The following MGST2 variants were observed in gnomAD, a reference collection of about 807,000 sequenced individuals.
MGST2 encodes glutathione peroxidase MGST2.
MGST2 carries 9 observed loss-of-function variants against 16.6 expected under a neutral mutation model. That is an observed-to-expected ratio of 0.54 (90% CI 0.33 to 0.95). The LOEUF (loss-of-function observed/expected upper bound fraction) is 0.95. Among genes scored for constraint, MGST2 ranks in the 40% least tolerant of loss-of-function variants. The pLI is 0.03. For missense variants in MGST2, 159 were observed against 175.1 expected, an observed-to-expected ratio of 0.91 and a Z score of 0.52; for synonymous variants, 79 against 68.0, an observed-to-expected ratio of 1.16 and a Z score of -0.79.
chr4:139,712,600 T>C (rs904928430), intron 5 of MGST2, among the ~76,000 whole-genome samples: 1 of 152,214 alleles, frequency 6.6e-6, no homozygotes, highest in African/African-American at 2.4e-5. Context: ...AGCCGAGCCC[T>C]GCCATGGGTT....
the MGST2 span, among the ~76,000 whole-genome samples, chr4:139,753,867 A>C: frequency 2.6e-5 from 4 of 152,172 alleles, no homozygotes; most frequent in Non-Finnish European, 5.9e-5. Flanking sequence ...CTCCTACATC[A>C]GAAGGGAGAC....
intron 2 of MGST2, among the ~76,000 whole-genome samples, chr4:139,686,156 T>G (rs1241042461): frequency 6.6e-6 from 1 of 152,054 alleles, no homozygotes; most frequent in Non-Finnish European, 1.5e-5. Context: ...CAATGTGAAG[T>G]GTGGTGGGGT....
At chr4:139,739,727 A>G (rs930315952) in intron 5 of MGST2, among the ~76,000 whole-genome samples, 2 of 149,986 alleles carry the variant, frequency 1.3e-5, no homozygotes, top group African/African-American at 4.9e-5. Flanking sequence ...AACTAAAAAA[A>G]AAAAAAGAAA....
chr4:139,720,576 T>G (rs1728194829), intron 5 of MGST2, among the ~76,000 whole-genome samples: 1 of 152,232 alleles, frequency 6.6e-6, no homozygotes, highest in Non-Finnish European at 1.5e-5. Context: ...AGATGATCAT[T>G]CCTATTCTTT....
At chr4:139,738,889 A>T (rs1729057205) in intron 5 of MGST2, among the ~76,000 whole-genome samples, 1 of 152,204 alleles carries the variant, frequency 6.6e-6, no homozygotes, top group Non-Finnish European at 1.5e-5. Flanking sequence ...CATGGTATAT[A>T]CACAATTACA....
Position 139,698,417 on chromosome 4 carries a change from A to G in MGST2, c.229+3150A>G, listed in dbSNP as rs143489698. ...AACGTCTAATTTCACGGAGCGCCAC[A>G]GTACCAGGCCTGTAACGATGAGGTT... On this transcript the variant is annotated intron_variant, in intron 3 of 4. Coordinates refer to ENST00000265498, the MANE Select transcript of MGST2 (RefSeq NM_002413.5). 5.1e-5 allele frequency: 78 copies of G among 1,534,312 alleles called. 1 individual carries two copies. The highest frequency in any genetic ancestry group is 6.2e-5 in the Non-Finnish European group (69 of 1,108,026).
intron 2 of MGST2, among the ~76,000 whole-genome samples, chr4:139,683,274 G>A (rs981845683): frequency 2.0e-5 from 3 of 152,168 alleles, no homozygotes; most frequent in Non-Finnish European, 2.9e-5. Context: ...TATTTTGAGG[G>A]TAGACTCATA....
chr4:139,677,179 T>G (rs1731004137), intron 1 of MGST2, among the ~76,000 whole-genome samples: 1 of 152,138 alleles, frequency 6.6e-6, no homozygotes, highest in Non-Finnish European at 1.5e-5. Context: ...ATCTGATAGG[T>G]CTCAACCAAT....
At chr4:139,746,626 A>C in the MGST2 span, among the ~76,000 whole-genome samples, 1 of 152,070 alleles carries the variant, frequency 6.6e-6, no homozygotes, top group Non-Finnish European at 1.5e-5. Context: ...CCTCGTTGCC[A>C]TGGTCTTTCC....
At chr4:139,692,337 G>A (rs1344401003) in intron 2 of MGST2, among the ~76,000 whole-genome samples, 2 of 152,292 alleles carry the variant, frequency 1.3e-5, no homozygotes, top group Admixed American at 6.5e-5. Context: ...CCAGCACCCC[G>A]GTTCCCCATC....
rs992217371 is a variant in MGST2, at chr4:139,735,056, C to T, written c.*49-5156C>T. Among the ~76,000 whole-genome samples the T allele has an allele frequency of 2.6e-5, 4 of 152,178 alleles. No individual in the cohort carries two copies. The highest frequency in any genetic ancestry group is 9.6e-5 in the African/African-American group (4 of 41,466). On this transcript the variant is annotated intron_variant, in intron 5 of 5. Coordinates refer to the MGST2 transcript ENST00000616265. This position sits in a 1 kb window ranked among gnomAD's most constrained non-coding sequence, Gnocchi z 5.8. ...CCCCTCGCAGATGGCTTAATCAGGGCTCCCGCCCGCCCCTCCGCGGCCCCC... is the reference window on the plus strand; with the variant it reads ...CCCCTCGCAGATGGCTTAATCAGGGTTCCCGCCCGCCCCTCCGCGGCCCCC...
intron 5 of MGST2, chr4:139,719,840 C>T: frequency 6.2e-7 from 1 of 1,613,690 alleles, no homozygotes; most frequent in Admixed American, 1.7e-5. Flanking sequence ...GCCCTGCAAG[C>T]TCCTCTGTTG....
rs79487643 is a variant in MGST2 at position 139,727,086 on chromosome 4, C to T, written c.*49-13126C>T. ...ATAACACACACTGACCACCTCTTAACGCCTGTGTTTATTTCAATTTTTTCT... is the reference window on the plus strand; with the variant it reads ...ATAACACACACTGACCACCTCTTAATGCCTGTGTTTATTTCAATTTTTTCT... On this transcript the variant is annotated intron_variant, in intron 5 of 5. Transcript: ENST00000616265. Among the ~76,000 whole-genome samples, 294 of 152,274 alleles carry T rather than the reference C, an allele frequency of 1.9e-3. 7 individuals are homozygous for T. The East Asian group carries it at 0.042, about 22-fold the overall frequency.
downstream of MGST2, among the ~76,000 whole-genome samples, chr4:139,704,550 G>A (rs1727442634): frequency 6.6e-6 from 1 of 152,192 alleles, no homozygotes; most frequent in Non-Finnish European, 1.5e-5. Flanking sequence ...ACAACAGATA[G>A]GAAGGCATGT....
chr4:139,751,634 A>G, the MGST2 span, among the ~76,000 whole-genome samples: 1 of 152,138 alleles, frequency 6.6e-6, no homozygotes, highest in Non-Finnish European at 1.5e-5. Flanking sequence ...ATAACCCACA[A>G]TAGCCCCTAA....
In MGST2 at chr4:139,715,001, T is replaced by C. The variant is rs908991765; in HGVS notation, c.*48+10805T>C. Among the ~76,000 whole-genome samples the C allele has an allele frequency of 6.6e-6, 1 of 152,148 alleles. No individual in the cohort carries two copies. The highest frequency in any genetic ancestry group is 6.5e-5 in the Admixed American group (1 of 15,288). On this transcript the variant is annotated intron_variant, in intron 5 of 5. Transcript: ENST00000616265. The surrounding 1 kb of genome is among the most constrained non-coding windows in gnomAD (Gnocchi z 4.4). ...AAAGAGAATAGCAGTTAACATCCCA[T>C]AGTGCCGAACCTGTTCTTAGCCGAG...
At chr4:139,720,028 G>A (rs376474680) in intron 5 of MGST2, 45 of 1,613,976 alleles carry the variant, frequency 2.8e-5, no homozygotes, top group Non-Finnish European at 3.6e-5. Context: ...CCTGCCCAGA[G>A]GCAGGTTGCC....
At chr4:139,748,198 T>C in the MGST2 span, among the ~76,000 whole-genome samples, 1 of 152,106 alleles carries the variant, frequency 6.6e-6, no homozygotes, top group African/African-American at 2.4e-5. Context: ...CCTCCATCTC[T>C]TTACATTGTC....
chr4:139,695,361 C>T lies in MGST2; in HGVS notation c.229+94C>T, dbSNP rs1026994299. ...ATATGGCCAGGCACGGTGGCTCACA[C>T]CTATATTCCCAGCACTTTGGGAGGC... On this transcript the variant is annotated intron_variant, in intron 3 of 4. Transcript: ENST00000265498. 10 of 1,069,902 alleles carry T rather than the reference C, an allele frequency of 9.3e-6. No homozygotes were observed. The African/African-American group carries it at 1.4e-4, about 15-fold the overall frequency. The allele number at this position is 1,069,902 out of a possible 1,614,324, so 66.3% of individuals were successfully genotyped here.
Sources: gnomAD v4.1 joint callset for allele counts (sites outside exome capture counted in the v4.1 genomes callset) on GRCh38, gnomAD v4.1.1 for gene constraint, Gnocchi (gnomAD v3.1) non-coding constraint, MANE v1.5 for transcripts, NCBI Gene and HGNC (gene_info 2026-07-23, HGNC 2026-07-21) for gene names.